Variants in BUB1 observed in about 807,000 individuals in gnomAD.
BUB1 encodes mitotic checkpoint serine/threonine-protein kinase BUB1.
In BUB1, 84 loss-of-function variants were observed where a neutral mutation model predicts 135.2. The observed-to-expected ratio is 0.62, with a 90% CI of 0.52 to 0.74. BUB1 has a LOEUF of 0.74. Among genes scored for constraint, BUB1 ranks in the 30% least tolerant of loss-of-function variants. The probability of loss-of-function intolerance (pLI) is 0.00; values close to 1 mark genes in which losing one functional copy is unlikely to be tolerated. For synonymous variants in BUB1, 403 were observed against 434.4 expected (o/e 0.93, Z 0.90); for missense variants, 1,162 against 1,288.3 (o/e 0.90, Z 1.50).
At chr2:110,655,476 C>T (rs1214394635) in intron 16 of BUB1, among the ~76,000 whole-genome samples, 2 of 151,966 alleles carry the variant, frequency 1.3e-5, no homozygotes, top group Non-Finnish European at 2.9e-5. Context: ...CCTTTAAATG[C>T]TTCTATAGAT....
intron 17 of BUB1, among the ~76,000 whole-genome samples, chr2:110,652,856 T>C (rs1366511408): frequency 1.3e-5 from 2 of 152,254 alleles, no homozygotes; most frequent in Non-Finnish European, 2.9e-5. Flanking sequence ...TAAAGAAATG[T>C]TGCAAAGATA....
intron 6 of BUB1, 22 bp from the exon 7 acceptor site, chr2:110,667,871 T>A: frequency 6.2e-7 from 1 of 1,608,094 alleles, no homozygotes; most frequent in Non-Finnish European, 8.5e-7. Context: ...AAAACAAACA[T>A]GAGCATTCAC....
In BUB1 at chr2:110,667,827, A is replaced by G; in HGVS notation, c.590T>C (p.Ile197Thr). ...TGACTCTTTATCACAAGCTGAAGAT[A>G]TCACTCCAGAAAGCTCTGAACCCTA... ...KNQGSELSGV[I>T]SSACDKESNM... Residue 197 changes from isoleucine (I) to threonine (T), a missense_variant, in exon 7 of 25, where the codon ATA becomes ACA. Physicochemically the swap from Ile to Thr is moderately conservative, Grantham distance 89. Transcript: ENST00000302759. 6.2e-7 allele frequency: 1 copy of G among 1,613,462 alleles called. No individual in the cohort carries two copies. The highest frequency in any genetic ancestry group is 8.5e-7 in the Non-Finnish European group (1 of 1,179,886).
chr2:110,646,550 T>C (rs1239649623), intron 19 of BUB1, among the ~76,000 whole-genome samples: 1 of 152,108 alleles, frequency 6.6e-6, no homozygotes, highest in African/African-American at 2.4e-5. Flanking sequence ...TTCACCAAAA[T>C]AGACAACATT....
rs72828828 is a variant in BUB1, at chr2:110,675,622, G to T, written c.27-1257C>A. ...ACACTATAAGATTTTTTTTTTTTTT[G>T]AAAAAACGATGTAAAAAGCAATATG... is the stretch of plus-strand genomic sequence containing the variant. On this transcript the variant is annotated intron_variant, in intron 1 of 24. Coordinates refer to ENST00000302759, the MANE Select transcript of BUB1 (RefSeq NM_004336.5). 5.6e-3 allele frequency among the ~76,000 whole-genome samples: 815 copies of T among 146,386 alleles called. 3 individuals are homozygous for T. The highest frequency in any genetic ancestry group is 9.0e-3 in the Non-Finnish European group (599 of 66,254).
chr2:110,643,496 C>T (rs1203688509), intron 19 of BUB1, among the ~76,000 whole-genome samples: 2 of 152,162 alleles, frequency 1.3e-5, no homozygotes, highest in African/African-American at 4.8e-5. Flanking sequence ...ATCCCATTTC[C>T]TTTTAGCTCA....
At chr2:110,660,099 T>C in intron 10 of BUB1, 63 bp from the exon 11 acceptor site, 2 of 1,422,100 alleles carry the variant, frequency 1.4e-6, no homozygotes, top group Non-Finnish European at 2.0e-6. Flanking sequence ...CTGGGTGCGG[T>C]GGTGGCTCAC....
At chr2:110,666,241 T>C in intron 9 of BUB1, 22 bp downstream of exon 9, 3 of 1,329,542 alleles carry the variant, frequency 2.3e-6, no homozygotes, top group Non-Finnish European at 1.9e-6. Flanking sequence ...GCACAGGATG[T>C]GTCATGAGGA....
chr2:110,647,273 T>C (rs1183920407), intron 19 of BUB1, among the ~76,000 whole-genome samples: 1 of 152,112 alleles, frequency 6.6e-6, no homozygotes, highest in East Asian at 1.9e-4. Flanking sequence ...GTACCTCTCA[T>C]GAACACGGAT....
intron 12 of BUB1, 28 bp downstream of exon 12, chr2:110,658,586 T>TG: frequency 6.2e-7 from 1 of 1,614,144 alleles, no homozygotes; most frequent in Non-Finnish European, 8.5e-7. Context: ...TGTCATCAGG[T>TG]GCTACACACT....
chr2:110,651,146 C>G (rs1367423275), intron 17 of BUB1, among the ~76,000 whole-genome samples: 1 of 152,120 alleles, frequency 6.6e-6, no homozygotes, highest in South Asian at 2.1e-4. Flanking sequence ...GCTTTTATAA[C>G]ATTGAAACAA....
rs1690226284 is a variant in BUB1 at position 110,665,583 on chromosome 2, G to GTA, written c.957+679_957+680insTA. Among the ~76,000 whole-genome samples the GTA allele has an allele frequency of 3.3e-5, 5 of 151,542 alleles. No homozygotes were observed. The South Asian group carries it at 1.0e-3, about 32-fold the overall frequency. ...AGAAAAAGAATGTTTGTGTGTGTGT[G>GTA]TGTGTGTGTGTGTGTGTGTGTATGC... On this transcript the variant is annotated intron_variant, in intron 9 of 24. Coordinates refer to ENST00000302759, the MANE Select transcript of BUB1 (RefSeq NM_004336.5).
chr2:110,641,279 A>AT lies in BUB1; in HGVS notation c.2783+27_2783+28insA, dbSNP rs761899785. On this transcript the variant is annotated intron_variant, in intron 22 of 24. Coordinates refer to ENST00000302759, the MANE Select transcript of BUB1 (RefSeq NM_004336.5). ...AGGCTGCTATGGAAATAGGAAGAGA[A>AT]GAACCCTGTTAAAAGCATAACACTT... 1.9e-6 allele frequency: 3 copies of AT among 1,593,130 alleles called. No individual in the cohort carries two copies. In the African/African-American group the frequency reaches 4.0e-5, roughly 21 times the overall value.
chr2:110,655,678 G>A, intron 16 of BUB1, 61 bp downstream of exon 16: 3 of 1,387,478 alleles, frequency 2.2e-6, no homozygotes, highest in South Asian at 1.7e-5. Flanking sequence ...CAAACTTCAT[G>A]AAGAAAACTG....
At position 110,653,538 on chromosome 2, in the gene BUB1, A is replaced by G; in HGVS notation, c.1877-15T>C. On this transcript the variant is annotated splice_polypyrimidine_tract_variant and intron_variant, in intron 16 of 24. Transcript: ENST00000302759. ...TACCACATTTTCTGAAAGATTCAAA[A>G]ATTAGAGACAAGATATGTTAGATGC... 1 of 1,607,236 alleles carries G rather than the reference A, an allele frequency of 6.2e-7. No individual in the cohort carries two copies. The highest frequency in any genetic ancestry group is 8.5e-7 in the Non-Finnish European group (1 of 1,173,952).
intron 19 of BUB1, among the ~76,000 whole-genome samples, chr2:110,645,977 T>G (rs193232119): frequency 6.6e-6 from 1 of 151,870 alleles, no homozygotes; most frequent in East Asian, 1.9e-4. Flanking sequence ...CTAATACAAC[T>G]ACAAGGAGAA....
At position 110,677,904 on chromosome 2, in the gene BUB1, G is replaced by C. The variant is rs541035012; in HGVS notation, c.26+66C>G. 2.5e-5 allele frequency: 39 copies of C among 1,551,492 alleles called. No individual in the cohort carries two copies. In the South Asian group the frequency reaches 4.4e-4, roughly 18 times the overall value. ...GGCAAAAGAAGGCAGGTCTGGGGCG[G>C]GCCGGGCCCGAACCCCAGGCGCCCC... On this transcript the variant is annotated intron_variant, in intron 1 of 24. Transcript: ENST00000302759.
At chr2:110,665,330 C>T (rs1336288687) in intron 9 of BUB1, among the ~76,000 whole-genome samples, 1 of 152,088 alleles carries the variant, frequency 6.6e-6, no homozygotes, top group Non-Finnish European at 1.5e-5. Context: ...GTAATCACAA[C>T]ACTTTGGGAG....
chr2:110,676,487 G>A (rs1690587920), intron 1 of BUB1: 1 of 152,172 alleles, frequency 6.6e-6, no homozygotes, highest in South Asian at 2.1e-4. Flanking sequence ...CGCTTCTGCA[G>A]ATCTAGAAGA....
Sources: gnomAD v4.1 joint callset for allele counts (sites outside exome capture counted in the v4.1 genomes callset) on GRCh38, gnomAD v4.1.1 for gene constraint, MANE v1.5 for transcripts, NCBI Gene and HGNC (gene_info 2026-07-23, HGNC 2026-07-21) for gene names.